The following ABCB11 variants were observed in gnomAD, a reference collection of about 807,000 sequenced individuals.
The protein encoded by ABCB11 is bile salt export pump.
ABCB11 carries 95 observed loss-of-function variants against 148.0 expected under a neutral mutation model. The ratio of observed to expected loss-of-function variants is 0.64; its 90% CI spans 0.54 to 0.76. The LOEUF (loss-of-function observed/expected upper bound fraction) is 0.76. ABCB11 is among the 30% of genes least tolerant of loss of function. ABCB11 has a pLI of 0.00. For missense variants in ABCB11, 1,523 were observed against 1,617.8 expected (o/e 0.94, Z 1.01); for synonymous variants, 591 against 555.4 (o/e 1.06, Z -0.90).
chr2:169,024,942 A>C (rs954001712), intron 1 of ABCB11, among the ~76,000 whole-genome samples: 2 of 152,186 alleles, frequency 1.3e-5, no homozygotes. Context: ...TCAAGAACAA[A>C]ATTTGCTCAC....
chr2:168,923,968 G>T (rs1045755450), intron 27 of ABCB11, 146 bp from the exon 28 acceptor site: 1 of 724,538 alleles, frequency 1.4e-6, no homozygotes, highest in Non-Finnish European at 2.3e-6. Context: ...GATTAAGCAA[G>T]TATTCCCTGA....
At chr2:168,978,892 G>A (rs1232419186) in intron 11 of ABCB11, among the ~76,000 whole-genome samples, 1 of 151,874 alleles carries the variant, frequency 6.6e-6, no homozygotes, top group Admixed American at 6.6e-5. Flanking sequence ...GCTAATTTTT[G>A]TGTTCTTAGT....
At chr2:168,984,443 T>C (rs1473115957) in intron 10 of ABCB11, among the ~76,000 whole-genome samples, 2 of 152,164 alleles carry the variant, frequency 1.3e-5, no homozygotes, top group African/African-American at 4.8e-5. Flanking sequence ...ATTGAATGAA[T>C]AACTGTAAAG....
intron 9 of ABCB11, among the ~76,000 whole-genome samples, chr2:168,988,878 C>A (rs1204132947): frequency 1.3e-5 from 2 of 152,038 alleles, no homozygotes; most frequent in East Asian, 3.9e-4. Flanking sequence ...TGTGTGACAT[C>A]TTTTCACATG....
intron 10 of ABCB11, among the ~76,000 whole-genome samples, chr2:168,983,616 A>G (rs1257896024): frequency 6.6e-6 from 1 of 152,170 alleles, no homozygotes; most frequent in Admixed American, 6.6e-5. Context: ...GTGTATTATC[A>G]TGTTCTTAAT....
chr2:169,021,776 T>C (rs929302402), intron 1 of ABCB11, among the ~76,000 whole-genome samples: 1 of 152,080 alleles, frequency 6.6e-6, no homozygotes, highest in African/African-American at 2.4e-5. Context: ...TGTCGATAGA[T>C]TTTCATGACA....
chr2:168,933,940 A>G (rs988333009), intron 23 of ABCB11, among the ~76,000 whole-genome samples: 2 of 151,946 alleles, frequency 1.3e-5, no homozygotes, highest in African/African-American at 4.8e-5. Context: ...TTTTGTAGAG[A>G]TGAGGTTTCG....
At chr2:169,005,668 A>C (rs1694998071) in intron 5 of ABCB11, among the ~76,000 whole-genome samples, 1 of 152,140 alleles carries the variant, frequency 6.6e-6, no homozygotes. Flanking sequence ...GTTTTTTGGC[A>C]TCCCAGGAAG....
At chr2:168,968,560 T>C (rs1229695438) in intron 16 of ABCB11, 70 bp from the exon 17 acceptor site, 13 of 1,260,838 alleles carry the variant, frequency 1.0e-5, no homozygotes, top group South Asian at 1.5e-5. Context: ...TAGAATTCTT[T>C]ACTATGTTTG....
intron 9 of ABCB11, among the ~76,000 whole-genome samples, chr2:168,988,220 C>A (rs555039485): frequency 2.1e-4 from 32 of 152,058 alleles, no homozygotes; most frequent in Non-Finnish European, 4.0e-4. Flanking sequence ...TCAAACTACC[C>A]CTGTTTAACT....
At chr2:168,949,417 T>C (rs1692465201) in intron 19 of ABCB11, among the ~76,000 whole-genome samples, 1 of 151,622 alleles carries the variant, frequency 6.6e-6, no homozygotes, top group South Asian at 2.1e-4. Flanking sequence ...TGTTTACCCA[T>C]TGTTTAGCTC....
intron 15 of ABCB11, 35 bp downstream of exon 15, chr2:168,970,010 A>T: frequency 1.9e-6 from 3 of 1,575,752 alleles, no homozygotes; most frequent in Non-Finnish European, 2.6e-6. Flanking sequence ...GCATTTCCAC[A>T]TGGACCTGTA....
chr2:168,982,345 G>A (rs1018986469), intron 10 of ABCB11, among the ~76,000 whole-genome samples: 1 of 152,098 alleles, frequency 6.6e-6, no homozygotes. Flanking sequence ...CACCAATTAC[G>A]GAATGAGATT....
At chr2:168,988,763 C>T (rs2106001158) in intron 9 of ABCB11, among the ~76,000 whole-genome samples, 1 of 152,226 alleles carries the variant, frequency 6.6e-6, no homozygotes, top group Middle Eastern at 3.4e-3. Flanking sequence ...TCCCCATATG[C>T]TTGCCAACAC....
At chr2:168,963,493 A>C (rs1693165762) in intron 18 of ABCB11, among the ~76,000 whole-genome samples, 1 of 151,686 alleles carries the variant, frequency 6.6e-6, no homozygotes, top group Non-Finnish European at 1.5e-5. Flanking sequence ...CTTGGAGGAG[A>C]ATGGGTGGTC....
chr2:168,973,444 T>C (rs749598959), intron 13 of ABCB11, among the ~76,000 whole-genome samples: 1 of 152,064 alleles, frequency 6.6e-6, no homozygotes, highest in Non-Finnish European at 1.5e-5. Context: ...CCATCATATA[T>C]GAAATCAATC....
At chr2:169,031,153 C>T (rs899652272) in intron 1 of ABCB11, 72 bp downstream of exon 1, 1 of 152,128 alleles carries the variant, frequency 6.6e-6, no homozygotes, top group Admixed American at 6.5e-5. Flanking sequence ...AAACCAGAAA[C>T]ACTCCACTCC....
At chr2:169,013,718 A>G (rs1033983042) in intron 4 of ABCB11, among the ~76,000 whole-genome samples, 1 of 152,132 alleles carries the variant, frequency 6.6e-6, no homozygotes, top group Non-Finnish European at 1.5e-5. Flanking sequence ...AGACTCTTAC[A>G]TTGTTAGATC....
intron 10 of ABCB11, among the ~76,000 whole-genome samples, chr2:168,981,898 G>T (rs1694147922): frequency 6.6e-6 from 1 of 152,296 alleles, no homozygotes; most frequent in African/African-American, 2.4e-5. Flanking sequence ...CAGTGAGCTG[G>T]ATTTGGCCTG....
Sources: allele counts gnomAD v4.1 joint callset (sites outside exome capture counted in the v4.1 genomes callset), GRCh38; gene constraint gnomAD v4.1.1; transcripts MANE v1.5; gene names NCBI Gene and HGNC (gene_info 2026-07-23, HGNC 2026-07-21).